The following CPAMD8 variants were observed in gnomAD, a reference collection of about 807,000 sequenced individuals.
CPAMD8 encodes C3 and PZP like alpha-2-macroglobulin domain containing 8.
CPAMD8 carries 146 observed loss-of-function variants against 224.7 expected under a neutral mutation model. That is an observed-to-expected ratio of 0.65 (90% CI 0.57 to 0.75). The LOEUF is 0.75. Among genes scored for constraint, CPAMD8 ranks in the 30% least tolerant of loss-of-function variants. The pLI, the probability that CPAMD8 is intolerant of heterozygous loss-of-function variation, is 0.00. For missense variants in CPAMD8, 2,301 were observed against 2,537.5 expected (o/e 0.91, Z 2.00); for synonymous variants, 966 against 1,044.6 (o/e 0.92, Z 1.45).
chr19:16,943,183 T>C (rs2053962945), intron 22 of CPAMD8, among the ~76,000 whole-genome samples: 1 of 151,534 alleles, frequency 6.6e-6, no homozygotes, highest in Non-Finnish European at 1.5e-5. Context: ...GCCCAGCTAA[T>C]TTTTGTATTT....
intron 23 of CPAMD8, among the ~76,000 whole-genome samples, chr19:16,934,357 T>G (rs781479352): frequency 6.6e-6 from 1 of 152,240 alleles, no homozygotes; most frequent in Non-Finnish European, 1.5e-5. Context: ...TTTAAAATAT[T>G]ATTGCCTTTA....
intron 19 of CPAMD8, chr19:16,957,612 G>A (rs2122463062): frequency 1.9e-6 from 1 of 520,698 alleles, no homozygotes; most frequent in Non-Finnish European, 3.4e-6. Flanking sequence ...GTAACCCCAA[G>A]AGGGAGTTAT....
In CPAMD8 at chr19:16,938,431, G is replaced by A. The variant is rs371527661; in HGVS notation, c.2809C>T (p.Arg937Trp). The A allele has an allele frequency of 2.1e-5, 33 of 1,575,758 alleles. No individual in the cohort carries two copies. The highest frequency in any genetic ancestry group is 8.3e-5 in the African/African-American group (6 of 71,994). Residue 937 changes from arginine (R) to tryptophan (W), a missense_variant, in exon 23 of 42, where the codon CGG becomes TGG. By Grantham distance (101) the Arg-to-Trp change is moderately radical. Around this residue, in one of 4 missense-constraint regions of CPAMD8, gnomAD observed 1,709 missense variants for 1,753.2 expected, o/e 0.97. Coordinates refer to ENST00000443236, the MANE Select transcript of CPAMD8 (RefSeq NM_015692.5). Reference protein sequence around the residue: ...SVMVEAEGVPRAYTYSAFFCP... With the variant: ...SVMVEAEGVPWAYTYSAFFCP... Reference sequence around the variant, plus strand: ...AAGAATGCGCTGTAGGTGTACGCCCGGGGGACTCCTTCCGCCTGAAACAAA... The same window carrying A: ...AAGAATGCGCTGTAGGTGTACGCCCAGGGGACTCCTTCCGCCTGAAACAAA...
At chr19:16,922,438 C>A (rs1333977427) in intron 26 of CPAMD8, among the ~76,000 whole-genome samples, 1 of 151,534 alleles carries the variant, frequency 6.6e-6, no homozygotes, top group Non-Finnish European at 1.5e-5. Flanking sequence ...CTGTCTCATT[C>A]CACATCTGGA....
At chr19:16,995,589 C>T (rs1318139369) in intron 11 of CPAMD8, among the ~76,000 whole-genome samples, 1 of 152,126 alleles carries the variant, frequency 6.6e-6, no homozygotes, top group African/African-American at 2.4e-5. Flanking sequence ...TCAGTAGAGA[C>T]AGTATTTCAC....
intron 7 of CPAMD8, among the ~76,000 whole-genome samples, chr19:17,007,872 A>C (rs2056536133): frequency 6.6e-6 from 1 of 152,268 alleles, no homozygotes; most frequent in Non-Finnish European, 1.5e-5. Context: ...TATAGCAGGA[A>C]GAAGCTGGGA....
rs1235192916 is a variant in CPAMD8 at position 16,896,629 on chromosome 19, G to A, written c.5102C>T (p.Pro1701Leu). The change falls in exon 40 of 42, where the codon CCT (proline) becomes CTT (leucine). Residue 1701 changes from proline (P) to leucine (L), a missense_variant. Transcript: ENST00000443236. Reference sequence around the variant, plus strand: ...TCGCGCGATCGCCGCCCCCTCCTCAGGGGCCACGGCAGGGCCCGACTCGCC... The same window carrying A: ...TCGCGCGATCGCCGCCCCCTCCTCAAGGGCCACGGCAGGGCCCGACTCGCC... ...FPGESGPAVA[P>L]EEGAAIARCG... The A allele has an allele frequency of 1.3e-6, 2 of 1,494,944 alleles. No individual in the cohort carries two copies. The highest frequency in any genetic ancestry group is 8.9e-7 in the Non-Finnish European group (1 of 1,127,474). 92.6% of individuals were successfully genotyped at this position (1,494,944 alleles called of 1,614,324 possible). A position where few individuals can be genotyped will look rare whatever the true frequency, so the allele number is the denominator to read the frequency against.
rs183403950 is a variant in CPAMD8 at position 16,931,326 on chromosome 19, C to T, written c.2846-2086G>A. On this transcript the variant is annotated intron_variant, in intron 23 of 41. Transcript: ENST00000443236. The stretch of plus-strand genomic sequence containing the variant: ...GACTCCCAGCCTAGTTCACCACAGC[C>T]GGCACCTGAGCGCTCCTCCTAGGCA... 2.3e-3 allele frequency among the ~76,000 whole-genome samples: 346 copies of T among 152,276 alleles called. 1 individual carries two copies. Among genetic ancestry groups the T allele is most frequent in the African/African-American group, 7.9e-3 (327 of 41,538 alleles).
Position 16,899,747 on chromosome 19 carries a change from G to C in CPAMD8, c.4774-198C>G, listed in dbSNP as rs973894860. Among the ~76,000 whole-genome samples the C allele has an allele frequency of 6.6e-6, 1 of 152,000 alleles. No homozygotes were observed. The highest frequency in any genetic ancestry group is 2.1e-4 in the South Asian group (1 of 4,806). On this transcript the variant is annotated intron_variant, in intron 36 of 41. Transcript: ENST00000443236. This position sits in a 1 kb window ranked among gnomAD's most constrained non-coding sequence, Gnocchi z 5.4. ...AGGACGCTCAAGGATGGCTATCCCC[G>C]CTGGGAGCACCTGCCTCGCCTCCCT...
At chr19:16,975,507 G>A (rs1203142327) in intron 16 of CPAMD8, among the ~76,000 whole-genome samples, 1 of 151,910 alleles carries the variant, frequency 6.6e-6, no homozygotes, top group Non-Finnish European at 1.5e-5. Flanking sequence ...AGGAGTTCGA[G>A]ACCAGCCTGG....
intron 20 of CPAMD8, among the ~76,000 whole-genome samples, chr19:16,950,299 A>T (rs1274339462): frequency 6.6e-6 from 1 of 151,812 alleles, no homozygotes; most frequent in Non-Finnish European, 1.5e-5. Flanking sequence ...TCCTATCTCA[A>T]ATAAATAAAT....
chr19:16,948,775 C>T (rs868319760), intron 20 of CPAMD8, among the ~76,000 whole-genome samples: 15 of 111,312 alleles, frequency 1.3e-4, no homozygotes, highest in South Asian at 1.3e-3. Context: ...GGAGAAAAGA[C>T]GGGAAAGGAG....
At position 16,925,178 on chromosome 19, in the gene CPAMD8, G is replaced by A; in HGVS notation, c.3547+18C>T. 6.2e-7 allele frequency: 1 copy of A among 1,612,856 alleles called. No homozygotes were observed. The highest frequency in any genetic ancestry group is 8.5e-7 in the Non-Finnish European group (1 of 1,179,116). ...CTCCCTTGCTCCCACCTCAACCCAG[G>A]CACTTCTTCCCCAATACCTTGTACT... On this transcript the variant is annotated intron_variant, in intron 26 of 41. Coordinates refer to ENST00000443236, the MANE Select transcript of CPAMD8 (RefSeq NM_015692.5).
At chr19:16,929,278 CCTGGA>C in intron 23 of CPAMD8, 38 bp from the exon 24 acceptor site, 2 of 1,529,938 alleles carry the variant, frequency 1.3e-6, no homozygotes, top group Non-Finnish European at 1.8e-6. Context: ...TGAGAGGGCA[CCTGGA>C]GGCATCCCAC....
chr19:16,966,576 T>A (rs2054834521), intron 18 of CPAMD8, among the ~76,000 whole-genome samples: 1 of 151,776 alleles, frequency 6.6e-6, no homozygotes, highest in South Asian at 2.1e-4. Context: ...TGGGAGAAAA[T>A]TTTTGCAATC....
chr19:16,943,587 T>C (rs1051981615), intron 22 of CPAMD8, among the ~76,000 whole-genome samples: 13 of 152,172 alleles, frequency 8.5e-5, no homozygotes, highest in Admixed American at 1.3e-4. Context: ...ATTTCACAGC[T>C]GAATAATATT....
Position 17,002,363 on chromosome 19 carries a change from A to G in CPAMD8, c.674-13T>C, listed in dbSNP as rs1324342543. ...AACTTGGGCAACACTGAAGAAAGCA[A>G]GCAGAGAGGAGGGGCTGGCTTCTGT... On this transcript the variant is annotated splice_polypyrimidine_tract_variant and intron_variant, in intron 8 of 41. Transcript: ENST00000443236. The G allele has an allele frequency of 6.3e-7, 1 of 1,588,320 alleles. No homozygotes were observed. The highest frequency in any genetic ancestry group is 8.6e-7 in the Non-Finnish European group (1 of 1,161,396).
intron 30 of CPAMD8, among the ~76,000 whole-genome samples, chr19:16,906,671 G>A (rs940957410): frequency 4.6e-5 from 7 of 151,916 alleles, no homozygotes; most frequent in East Asian, 1.9e-4. Flanking sequence ...AATTACAGGC[G>A]TGAGCCACCG....
intron 12 of CPAMD8, among the ~76,000 whole-genome samples, chr19:16,990,051 AG>A (rs1470164370): frequency 6.6e-6 from 1 of 152,224 alleles, no homozygotes; most frequent in African/African-American, 2.4e-5. Flanking sequence ...CAGGAGTTCG[AG>A]ACCAGCCTGG....
Sources: allele counts gnomAD v4.1 joint callset (sites outside exome capture counted in the v4.1 genomes callset), GRCh38; gene constraint gnomAD v4.1.1; regional missense constraint gnomAD v4.1.1; non-coding constraint Gnocchi (gnomAD v3.1); transcripts MANE v1.5; gene names NCBI Gene and HGNC (gene_info 2026-07-23, HGNC 2026-07-21).